The following TLN2 variants were observed in gnomAD, a reference collection of about 807,000 sequenced individuals.
TLN2 encodes the protein talin 2.
A neutral mutation model predicts 294.7 loss-of-function variants in TLN2; 118 were observed. The observed-to-expected ratio is 0.40, with a 90% CI of 0.34 to 0.47. TLN2 has a LOEUF of 0.47. Among genes scored for constraint, TLN2 ranks in the 20% least tolerant of loss-of-function variants. TLN2 has a pLI of 0.84. For missense variants in TLN2, 3,083 were observed against 3,282.2 expected (o/e 0.94, Z 1.48); for synonymous variants, 1,431 against 1,304.5 (o/e 1.10, Z -2.09).
intron 25 of TLN2, 87 bp from the exon 26 acceptor site, chr15:62,722,266 C>A: frequency 2.1e-6 from 3 of 1,413,274 alleles, no homozygotes; most frequent in Non-Finnish European, 1.9e-6. Flanking sequence ...TCAGTTCTTA[C>A]TGCTGTGGAG....
chr15:62,579,494 ACTTAT>A (rs543503664), intron 1 of TLN2, among the ~76,000 whole-genome samples: 252 of 152,278 alleles, frequency 1.7e-3, no homozygotes, highest in Middle Eastern at 0.014. Context: ...TGTTTGTGAT[ACTTAT>A]CTTAGGTTGC....
intron 45 of TLN2, among the ~76,000 whole-genome samples, chr15:62,788,655 A>C (rs1464259219): frequency 2.0e-5 from 3 of 152,222 alleles, no homozygotes; most frequent in Admixed American, 6.5e-5. Context: ...AGCCACTTTA[A>C]ATAACTTTTT....
At chr15:62,490,144 C>T (rs1046292419) in intron 1 of TLN2, among the ~76,000 whole-genome samples, 1 of 152,112 alleles carries the variant, frequency 6.6e-6, no homozygotes, top group African/African-American at 2.4e-5. Context: ...AGACATAATC[C>T]ACAGGGATTT....
Position 62,597,019 on chromosome 15 carries a change from A to G in TLN2, c.-162+7257A>G, listed in dbSNP as rs141016694. Among the ~76,000 whole-genome samples, 704 of 152,232 alleles carry G rather than the reference A, an allele frequency of 4.6e-3. 4 individuals carry two copies. The highest frequency in any genetic ancestry group is 0.016 in the African/African-American group (672 of 41,512). ...TTTCATGGTAGCTTGTTGGGATGGC[A>G]GATCACGCTGTTAGTTCTCTCTAAC... On this transcript the variant is annotated intron_variant, in intron 2 of 58. Coordinates refer to ENST00000636159, the MANE Select transcript of TLN2 (RefSeq NM_015059.3).
chr15:62,824,138 C>T (rs1229373118), intron 54 of TLN2: 5 of 357,094 alleles, frequency 1.4e-5, no homozygotes, highest in Non-Finnish European at 2.8e-5. Flanking sequence ...CATTACAATT[C>T]ATGTTATCTT....
At position 62,698,856 on chromosome 15, in the gene TLN2, G is replaced by A. The variant is rs779227467; in HGVS notation, c.1576G>A (p.Gly526Ser). ...LSELDSLPPL[G>S]QDMASRVWVQ... is the part of the protein sequence containing the mutation. ...TGAGCTCGACTCGCTGCCACCTCTC[G>A]GCCAGGATATGGTAAATACTGTTCA... The change falls in exon 16 of 59, where the codon GGC (glycine) becomes AGC (serine). Residue 526 changes from glycine (G) to serine (S), a missense_variant. Coordinates refer to ENST00000636159, the MANE Select transcript of TLN2 (RefSeq NM_015059.3). 5.0e-6 allele frequency: 8 copies of A among 1,612,360 alleles called. No homozygotes were observed. Among genetic ancestry groups the A allele is most frequent in the African/African-American group, 2.7e-5 (2 of 74,868 alleles).
chr15:62,437,773 G>GTGTC (rs2035361240), intron 1 of TLN2, among the ~76,000 whole-genome samples: 1 of 151,026 alleles, frequency 6.6e-6, no homozygotes, highest in African/African-American at 2.5e-5. Context: ...GTGTGTGTGT[G>GTGTC]TCTGTCTGTC....
chr15:62,749,173 A>G (rs894467028), intron 33 of TLN2, among the ~76,000 whole-genome samples: 1 of 152,216 alleles, frequency 6.6e-6, no homozygotes, highest in Non-Finnish European at 1.5e-5. Flanking sequence ...CTGGATGATC[A>G]GCATGGGTCT....
intron 2 of TLN2, among the ~76,000 whole-genome samples, chr15:62,596,280 A>AAT: frequency 6.6e-6 from 1 of 150,528 alleles, no homozygotes; most frequent in African/African-American, 2.4e-5. Flanking sequence ...AAAAAAAAAA[A>AAT]GGTATTCTTG....
intron 1 of TLN2, among the ~76,000 whole-genome samples, chr15:62,494,516 G>A (rs1168238247): frequency 6.6e-6 from 1 of 152,016 alleles, no homozygotes; most frequent in African/African-American, 2.4e-5. Flanking sequence ...AATGGCAGAA[G>A]TTCAGGCCCC....
chr15:62,632,318 A>C (rs1283721508), intron 3 of TLN2, among the ~76,000 whole-genome samples: 1 of 152,194 alleles, frequency 6.6e-6, no homozygotes, highest in East Asian at 1.9e-4. Context: ...CCCCAGAATA[A>C]TCTTGGAGCC....
At chr15:62,816,262 G>A (rs10468030) in intron 52 of TLN2, among the ~76,000 whole-genome samples, 98,293 of 152,156 alleles carry the variant, frequency 0.65, 34,159 homozygotes, top group Non-Finnish European at 0.77. Flanking sequence ...GGCCTCCTGC[G>A]TTTGCTGTTT....
intron 52 of TLN2, among the ~76,000 whole-genome samples, chr15:62,817,442 T>C (rs2067201436): frequency 6.6e-6 from 1 of 152,196 alleles, no homozygotes; most frequent in African/African-American, 2.4e-5. Flanking sequence ...GTAGCAAATA[T>C]GAAAGAAGTA....
chr15:62,679,009 C>G (rs1012712746), intron 11 of TLN2, among the ~76,000 whole-genome samples: 3 of 149,312 alleles, frequency 2.0e-5, no homozygotes, highest in African/African-American at 7.4e-5. Flanking sequence ...ATTATTTATC[C>G]TATAACAAGA....
intron 54 of TLN2, among the ~76,000 whole-genome samples, chr15:62,825,800 AT>A (rs1567687156): frequency 0.032 from 143 of 4,434 alleles, 22 homozygotes; most frequent in African/African-American, 0.047. Flanking sequence ...TATAATATAT[AT>A]TATATATTAT....
chr15:62,446,211 G>A (rs985080439), intron 1 of TLN2, among the ~76,000 whole-genome samples: 1 of 151,886 alleles, frequency 6.6e-6, no homozygotes, highest in Non-Finnish European at 1.5e-5. Context: ...TGTTAGCCAG[G>A]ATGGTCTGGA....
At chr15:62,799,305 A>T (rs145573014) in intron 48 of TLN2, among the ~76,000 whole-genome samples, 5 of 152,172 alleles carry the variant, frequency 3.3e-5, no homozygotes, top group African/African-American at 1.2e-4. Context: ...TTGGCTCAGC[A>T]CCTGAACACT....
At chr15:62,829,630 A>ATTTAT (rs546535237) in intron 54 of TLN2, 104 of 152,296 alleles carry the variant, frequency 6.8e-4, no homozygotes, top group African/African-American at 2.4e-3. Flanking sequence ...CCTCTCAAGC[A>ATTTAT]TTTATCCTTT....
At position 62,570,903 on chromosome 15, in the gene TLN2, CTGTGTGTGTGTGTGTG is replaced by C. The variant is rs58523803; in HGVS notation, c.-237-18758_-237-18743del. 1.7e-4 allele frequency among the ~76,000 whole-genome samples: 25 copies of C among 143,918 alleles called. No homozygotes were observed. In the East Asian group the frequency reaches 2.7e-3, roughly 16 times the overall value. 94.4% of individuals were successfully genotyped at this position (143,918 alleles called of 152,430 possible). A position where few individuals can be genotyped will look rare whatever the true frequency, so the allele number is the denominator to read the frequency against. On this transcript the variant is annotated intron_variant, in intron 1 of 58. Transcript: ENST00000636159. ...GGAAGAAGCTTCCATGCACAGGCAT[CTGTGTGTGTGTGTGTG>C]TGTGTGTGTGTGTGTGTGTGTGTGT...
Sources: gnomAD v4.1 joint callset for allele counts (sites outside exome capture counted in the v4.1 genomes callset) on GRCh38, gnomAD v4.1.1 for gene constraint, MANE v1.5 for transcripts, NCBI Gene and HGNC (gene_info 2026-07-23, HGNC 2026-07-21) for gene names.